Variants in FAM13B observed in about 807,000 individuals in gnomAD.
FAM13B encodes the protein protein FAM13B.
Under a neutral mutation model 117.3 loss-of-function variants are expected in FAM13B, and 60 were observed. That is an observed-to-expected ratio of 0.51 (90% CI 0.42 to 0.63). The LOEUF (loss-of-function observed/expected upper bound fraction) is 0.63, where lower values mean the gene tolerates loss of function less well. FAM13B is among the 30% of genes least tolerant of loss of function. FAM13B has a pLI of 0.00. For missense variants in FAM13B, 972 were observed against 1,091.9 expected, an observed-to-expected ratio of 0.89 and a Z score of 1.55; for synonymous variants, 332 against 356.1, an observed-to-expected ratio of 0.93 and a Z score of 0.76.
intron 10 of FAM13B, among the ~76,000 whole-genome samples, chr5:137,975,612 C>T (rs1204120719): frequency 1.3e-5 from 2 of 152,140 alleles, no homozygotes; most frequent in Non-Finnish European, 2.9e-5. Flanking sequence ...TCTGCAAATG[C>T]ATTTCATTTT....
intron 7 of FAM13B, among the ~76,000 whole-genome samples, chr5:138,000,259 C>A (rs1251895375): frequency 6.6e-6 from 1 of 151,994 alleles, no homozygotes; most frequent in Non-Finnish European, 1.5e-5. Flanking sequence ...ATTAGTCAGG[C>A]ATGGTGCTGC....
At chr5:137,949,216 T>A in intron 17 of FAM13B, 32 bp from the exon 18 acceptor site, 1 of 1,567,092 alleles carries the variant, frequency 6.4e-7, no homozygotes, top group Non-Finnish European at 8.8e-7. Flanking sequence ...AGATCAGTAA[T>A]AATTGGTTTT....
At chr5:137,999,011 C>G (rs1339319173) in intron 7 of FAM13B, among the ~76,000 whole-genome samples, 1 of 152,232 alleles carries the variant, frequency 6.6e-6, no homozygotes, top group African/African-American at 2.4e-5. Flanking sequence ...CCCAAGGTCC[C>G]CCATCATTGG....
At chr5:138,008,090 A>G (rs1782991253) in intron 6 of FAM13B, among the ~76,000 whole-genome samples, 1 of 152,214 alleles carries the variant, frequency 6.6e-6, no homozygotes, top group Non-Finnish European at 1.5e-5. Context: ...AAGTCATTAC[A>G]CTGTGATATT....
chr5:138,018,085 G>A (rs1295713515), intron 4 of FAM13B, among the ~76,000 whole-genome samples: 2 of 152,022 alleles, frequency 1.3e-5, no homozygotes, highest in Non-Finnish European at 2.9e-5. Context: ...CTGTTTCTTA[G>A]GCTAATAAAA....
At chr5:137,968,588 A>T (rs1373061385) in intron 10 of FAM13B, among the ~76,000 whole-genome samples, 1 of 151,934 alleles carries the variant, frequency 6.6e-6, no homozygotes, top group African/African-American at 2.4e-5. Context: ...ATTAAAAAGC[A>T]ATTTGTGGGG....
At chr5:137,992,297 T>C (rs1450347785) in intron 7 of FAM13B, among the ~76,000 whole-genome samples, 1 of 149,466 alleles carries the variant, frequency 6.7e-6, no homozygotes, top group Non-Finnish European at 1.5e-5. Flanking sequence ...TGACAAAGAA[T>C]TGAAAAAAAA....
intron 22 of FAM13B, 72 bp downstream of exon 22, chr5:137,942,803 T>C: frequency 7.3e-7 from 1 of 1,370,762 alleles, no homozygotes; most frequent in East Asian, 2.3e-5. Flanking sequence ...TTAATACTCA[T>C]TTAACATCAA....
intron 7 of FAM13B, among the ~76,000 whole-genome samples, chr5:137,998,992 GCCAAGGTCC>G (rs748060355): frequency 1.3e-5 from 2 of 152,282 alleles, no homozygotes; most frequent in Non-Finnish European, 1.5e-5. Context: ...ATGGAATCTT[GCCAAGGTCC>G]CCAAGGTCCC....
chr5:137,938,408 C>A lies in FAM13B; in HGVS notation c.*1817G>T, dbSNP rs1234150649. 6.6e-6 allele frequency: 1 copy of A among 152,522 alleles called. No homozygotes were observed. The highest frequency in any genetic ancestry group is 1.5e-5 in the Non-Finnish European group (1 of 68,014). The allele number at this position is 152,522 out of a possible 1,614,324, so 9.4% of individuals were successfully genotyped here. A position where few individuals can be genotyped will look rare whatever the true frequency, so the allele number is the denominator to read the frequency against. ...AAACATTCATATAAGATACACAGTG[C>A]ACATAAAATTAGATGTTTGGATACA... On this transcript the variant is annotated 3_prime_UTR_variant, in exon 24 of 24. Transcript: ENST00000689681.
At chr5:138,021,240 C>T (rs1786625471) in intron 1 of FAM13B, 43 bp from the exon 2 acceptor site, 20 of 1,210,288 alleles carry the variant, frequency 1.7e-5, no homozygotes, top group Non-Finnish European at 2.1e-5. Context: ...ACATCTTTAA[C>T]TGTCAGAAGA....
chr5:137,990,799 A>G (rs1778419818), intron 7 of FAM13B, among the ~76,000 whole-genome samples: 1 of 151,824 alleles, frequency 6.6e-6, no homozygotes, highest in Non-Finnish European at 1.5e-5. Flanking sequence ...CAAAAAAAAT[A>G]AACAAATAAG....
chr5:138,017,268 CAA>C (rs1377410659), intron 4 of FAM13B, among the ~76,000 whole-genome samples: 1 of 152,084 alleles, frequency 6.6e-6, no homozygotes, highest in Non-Finnish European at 1.5e-5. Context: ...ATACATAAAT[CAA>C]AGACATCCAA....
chr5:137,949,468 T>C (rs928805510), intron 17 of FAM13B, among the ~76,000 whole-genome samples: 3 of 151,768 alleles, frequency 2.0e-5, no homozygotes, highest in Non-Finnish European at 4.4e-5. Flanking sequence ...TGAGACCCCA[T>C]CTCTACAAAA....
chr5:138,004,806 G>A (rs1051273295), intron 7 of FAM13B, among the ~76,000 whole-genome samples: 1 of 152,090 alleles, frequency 6.6e-6, no homozygotes, highest in Non-Finnish European at 1.5e-5. Flanking sequence ...GAGCCCAAGA[G>A]GTAGAGGCTA....
intron 7 of FAM13B, among the ~76,000 whole-genome samples, chr5:137,989,080 T>C (rs940575993): frequency 3.2e-4 from 48 of 152,250 alleles, no homozygotes; most frequent in African/African-American, 1.2e-3. Flanking sequence ...ACTGTGTGCC[T>C]AAGCACATCA....
rs574444043 is a variant in FAM13B, at chr5:137,953,423, C to T, written c.1761G>A (p.Glu587=). ...SSFSSKDEKR[E]DRTPYQLVKK... ...TGACCAGCTGATAAGGTGTTCTGTC[C>T]TCTCTCTTTTCATCTTTTGAACTAA... The change falls in exon 16 of 24, where the codon GAG becomes GAA. Residue 587 remains glutamate (E), a synonymous_variant. Coordinates refer to ENST00000689681, the MANE Select transcript of FAM13B (RefSeq NM_001385994.1). 8.7e-6 allele frequency: 14 copies of T among 1,613,628 alleles called. No homozygotes were observed. The highest frequency in any genetic ancestry group is 5.0e-5 in the Admixed American group (3 of 60,008).
intron 10 of FAM13B, among the ~76,000 whole-genome samples, chr5:137,976,263 CCTTTT>C (rs1020379230): frequency 1.3e-5 from 2 of 152,046 alleles, no homozygotes; most frequent in Non-Finnish European, 2.9e-5. Flanking sequence ...CCTTCTCTTT[CCTTTT>C]AATTTCAATG....
At chr5:137,982,178 A>C (rs1486478854) in intron 10 of FAM13B, among the ~76,000 whole-genome samples, 4 of 152,230 alleles carry the variant, frequency 2.6e-5, no homozygotes, top group African/African-American at 7.2e-5. Context: ...GAGGAGATTA[A>C]TTAGGAGGCA....
Sources: allele counts gnomAD v4.1 joint callset (sites outside exome capture counted in the v4.1 genomes callset), GRCh38; gene constraint gnomAD v4.1.1; transcripts MANE v1.5; gene names NCBI Gene and HGNC (gene_info 2026-07-23, HGNC 2026-07-21).